Variants in PCNX2 observed in about 807,000 individuals in gnomAD.
The protein encoded by PCNX2 is pecanex-like protein 2.
In PCNX2, 168 loss-of-function variants were observed where a neutral mutation model predicts 223.8. The ratio of observed to expected loss-of-function variants is 0.75; its 90% CI spans 0.66 to 0.85. PCNX2 has a LOEUF of 0.85. Among genes scored for constraint, PCNX2 ranks in the 40% least tolerant of loss-of-function variants. The pLI, the probability that PCNX2 is intolerant of heterozygous loss-of-function variation, is 0.00. For missense variants in PCNX2, 2,507 were observed against 2,675.5 expected, an observed-to-expected ratio of 0.94 and a Z score of 1.39; for synonymous variants, 1,006 against 1,052.6, an observed-to-expected ratio of 0.96 and a Z score of 0.86.
the PCNX2 span, among the ~76,000 whole-genome samples, chr1:233,320,350 C>CGT: frequency 0.028 from 4,204 of 149,864 alleles, 64 homozygotes; most frequent in Middle Eastern, 0.034. Context: ...TACATACATT[C>CGT]GTGTGTGTGT....
intron 21 of PCNX2, among the ~76,000 whole-genome samples, chr1:233,118,447 T>C (rs1428297697): frequency 1.7e-5 from 2 of 120,382 alleles, no homozygotes; most frequent in African/African-American, 3.3e-5. Context: ...GATCCTTACC[T>C]ACAGATAGCA....
intron 32 of PCNX2, among the ~76,000 whole-genome samples, chr1:232,992,692 T>C (rs1332429919): frequency 6.6e-6 from 1 of 152,214 alleles, no homozygotes; most frequent in Non-Finnish European, 1.5e-5. Flanking sequence ...TCTAGGCCTC[T>C]GGTCTCCACC....
intron 1 of PCNX2, among the ~76,000 whole-genome samples, chr1:233,278,976 T>G (rs997172261): frequency 1.3e-5 from 2 of 152,208 alleles, no homozygotes; most frequent in African/African-American, 2.4e-5. Flanking sequence ...ATGACCCTAG[T>G]ATTCTTCAAT....
Position 233,295,714 on chromosome 1 carries a change from T to C in PCNX2, c.-236A>G, listed in dbSNP as rs1465355520. ...GCTGCGGCCGGGCAGGTGAGCGCCA[T>C]GTCCGAGGGAGGAAGGATTTTCCCA... On this transcript the variant is annotated 5_prime_UTR_variant, in exon 1 of 34. It removes an upstream start codon present in the reference 5' UTR. Coordinates refer to ENST00000258229, the MANE Select transcript of PCNX2 (RefSeq NM_014801.4). The surrounding 1 kb of genome is among the most constrained non-coding windows in gnomAD (Gnocchi z 4.1). 5 of 393,510 alleles carry C rather than the reference T, an allele frequency of 1.3e-5. No homozygotes were observed. The highest frequency in any genetic ancestry group is 1.7e-5 in the Non-Finnish European group (4 of 230,282). The allele number at this position is 393,510 out of a possible 1,614,324, so 24.4% of individuals were successfully genotyped here. A position where few individuals can be genotyped will look rare whatever the true frequency, so the allele number is the denominator to read the frequency against.
chr1:233,120,660 G>A (rs1423265211), intron 21 of PCNX2, among the ~76,000 whole-genome samples: 1 of 152,104 alleles, frequency 6.6e-6, no homozygotes, highest in African/African-American at 2.4e-5. Flanking sequence ...AGAAAAGTGA[G>A]TGAAAAAGAC....
intron 8 of PCNX2, among the ~76,000 whole-genome samples, chr1:233,249,169 T>C (rs113618535): frequency 1.3e-5 from 2 of 152,232 alleles, no homozygotes; most frequent in Non-Finnish European, 2.9e-5. Flanking sequence ...GCTCTGCATA[T>C]ATGGCCTTAT....
chr1:233,052,245 G>A (rs1672032123), intron 25 of PCNX2, among the ~76,000 whole-genome samples: 1 of 152,176 alleles, frequency 6.6e-6, no homozygotes, highest in Non-Finnish European at 1.5e-5. Context: ...ACTAATGCTA[G>A]AGATTCTCAT....
chr1:233,217,664 C>T (rs1056081001), intron 12 of PCNX2, among the ~76,000 whole-genome samples: 13 of 152,128 alleles, frequency 8.5e-5, no homozygotes, highest in Admixed American at 1.3e-4. Flanking sequence ...AAAGACTCTG[C>T]ACACACTCTC....
rs1670058435 is a variant in PCNX2, at chr1:233,000,890, T to C, written c.5098-355A>G. On this transcript the variant is annotated intron_variant, in intron 29 of 33. Coordinates refer to ENST00000258229, the MANE Select transcript of PCNX2 (RefSeq NM_014801.4). The surrounding 1 kb of genome is among the most constrained non-coding windows in gnomAD (Gnocchi z 4.6). ...TAGCCTAGCTGCTCTTGAGGGCAAATCACCATTGGCTAAAGTCAAGACTAT... is the reference window on the plus strand; with the variant it reads ...TAGCCTAGCTGCTCTTGAGGGCAAACCACCATTGGCTAAAGTCAAGACTAT... 6.6e-6 allele frequency among the ~76,000 whole-genome samples: 1 copy of C among 152,190 alleles called. No homozygotes were observed. Among genetic ancestry groups the C allele is most frequent in the African/African-American group, 2.4e-5 (1 of 41,444 alleles).
At chr1:233,007,961 G>A (rs560128806) in intron 28 of PCNX2, among the ~76,000 whole-genome samples, 2 of 152,250 alleles carry the variant, frequency 1.3e-5, no homozygotes, top group East Asian at 3.9e-4. Flanking sequence ...TTACAGGCGT[G>A]AGCCACCGTG....
intron 1 of PCNX2, among the ~76,000 whole-genome samples, chr1:233,286,742 C>T (rs183861517): frequency 7.2e-5 from 11 of 152,174 alleles, no homozygotes; most frequent in African/African-American, 2.2e-4. Flanking sequence ...ACTAGGAACA[C>T]GTGCCATGCT....
intron 4 of PCNX2, 97 bp downstream of exon 4, chr1:233,261,188 T>A: frequency 8.6e-7 from 1 of 1,156,138 alleles, no homozygotes. Context: ...GTATAGTTCT[T>A]ATTTTCAATT....
chr1:233,178,501 T>C (rs924410192), intron 16 of PCNX2, among the ~76,000 whole-genome samples: 2 of 152,250 alleles, frequency 1.3e-5, no homozygotes, highest in African/African-American at 4.8e-5. Flanking sequence ...AAAGGGAAGA[T>C]TGTAATGTAT....
Position 233,258,610 on chromosome 1 carries a change from C to T in PCNX2, c.1252G>A (p.Ala418Thr), listed in dbSNP as rs754044774. 1 of 1,613,922 alleles carries T rather than the reference C, an allele frequency of 6.2e-7. No homozygotes were observed. The highest frequency in any genetic ancestry group is 8.5e-7 in the Non-Finnish European group (1 of 1,179,852). Residue 418 changes from alanine (A) to threonine (T), a missense_variant, in exon 5 of 34, where the codon GCC (alanine) becomes ACC (threonine). Transcript: ENST00000258229. ...ATCTGCTCGGCATTTGGAGAACCGGCCGCCCCTGGGTTAGTGGGCTCAGCG... is the reference window on the plus strand; with the variant it reads ...ATCTGCTCGGCATTTGGAGAACCGGTCGCCCCTGGGTTAGTGGGCTCAGCG... ...SDAEPTNPGA[A>T]GSPNAEQISI... is the part of the protein sequence containing the mutation.
At chr1:233,012,255 C>T (rs970216908) in intron 28 of PCNX2, among the ~76,000 whole-genome samples, 2 of 151,912 alleles carry the variant, frequency 1.3e-5, no homozygotes, top group African/African-American at 4.8e-5. Context: ...TTTATGGCAC[C>T]CTAGCAGATT....
At chr1:233,229,632 T>C (rs144288545) in intron 9 of PCNX2, among the ~76,000 whole-genome samples, 225 of 152,220 alleles carry the variant, frequency 1.5e-3, no homozygotes, top group African/African-American at 5.0e-3. Flanking sequence ...TTCCTTCCAA[T>C]AGGAGAAAAA....
At chr1:233,257,586 T>C (rs1231813914) in intron 5 of PCNX2, among the ~76,000 whole-genome samples, 4 of 152,166 alleles carry the variant, frequency 2.6e-5, no homozygotes, top group Non-Finnish European at 4.4e-5. Context: ...GTGTACAACA[T>C]GGGATAATTA....
intron 21 of PCNX2, among the ~76,000 whole-genome samples, chr1:233,117,956 G>T (rs1424391814): frequency 6.7e-6 from 1 of 148,840 alleles, no homozygotes; most frequent in Non-Finnish European, 1.5e-5. Context: ...CTTGCAGTGA[G>T]CCGAGATCCC....
intron 13 of PCNX2, among the ~76,000 whole-genome samples, chr1:233,203,037 TGG>T: frequency 6.6e-6 from 1 of 152,206 alleles, no homozygotes; most frequent in South Asian, 2.1e-4. Context: ...CTAGTTATTA[TGG>T]CTACAAAAGA....
Sources: gnomAD v4.1 joint callset for allele counts (sites outside exome capture counted in the v4.1 genomes callset) on GRCh38, gnomAD v4.1.1 for gene constraint, Gnocchi (gnomAD v3.1) non-coding constraint, MANE v1.5 for transcripts, NCBI Gene and HGNC (gene_info 2026-07-23, HGNC 2026-07-21) for gene names.